SMAD3: variants seen among roughly 807,000 people sequenced by gnomAD.
SMAD3 encodes SMAD family member 3, also known as MAD homolog 3.
Under a neutral mutation model 51.8 loss-of-function variants are expected in SMAD3, and 12 were observed. The ratio of observed to expected loss-of-function variants is 0.23; its 90% CI spans 0.15 to 0.38. The LOEUF (loss-of-function observed/expected upper bound fraction) is 0.38, where lower values mean the gene tolerates loss of function less well. Ranked by LOEUF, SMAD3 falls within the 10% of genes least tolerant of loss-of-function variation. The pLI, the probability that SMAD3 is intolerant of heterozygous loss-of-function variation, is 1.00. For missense variants in SMAD3, 294 were observed against 565.6 expected (o/e 0.52, Z 4.87); for synonymous variants, 238 against 227.7 (o/e 1.05, Z -0.41).
chr15:67,074,028 A>G (rs1960114030), intron 1 of SMAD3, among the ~76,000 whole-genome samples: 1 of 152,206 alleles, frequency 6.6e-6, no homozygotes, highest in South Asian at 2.1e-4. Flanking sequence ...TCAGTGAATG[A>G]CAGATCTTTC....
At chr15:67,110,876 T>C (rs117216305) in intron 1 of SMAD3, among the ~76,000 whole-genome samples, 103 of 152,358 alleles carry the variant, frequency 6.8e-4, no homozygotes, top group Admixed American at 1.6e-3. Context: ...ATGTCCGTAA[T>C]GTTAACATCT....
At chr15:67,152,268 T>C (rs1962167385) in intron 1 of SMAD3, among the ~76,000 whole-genome samples, 1 of 152,258 alleles carries the variant, frequency 6.6e-6, no homozygotes, top group Admixed American at 6.5e-5. Context: ...CATGTTGTCG[T>C]AGAATGAAGG....
rs68095915 is a variant in SMAD3, at chr15:67,177,422, G to GTTTTTTTTTTTTTT, written c.659-3806_659-3805insTTTTTTTTTTTTTT. ...AATGAGGGCATATTTAGTGTTTTGG[G>GTTTTTTTTTTTTTT]TTTTTTTTTTTTTGGTGTGTGGCAG... On this transcript the variant is annotated intron_variant, in intron 5 of 8. Transcript: ENST00000327367. Among the ~76,000 whole-genome samples, 709 of 93,804 alleles carry GTTTTTTTTTTTTTT rather than the reference G, an allele frequency of 7.6e-3. 77 individuals are homozygous for GTTTTTTTTTTTTTT. The highest frequency in any genetic ancestry group is 0.016 in the African/African-American group (403 of 25,418). 61.5% of individuals were successfully genotyped at this position (93,804 alleles called of 152,430 possible). A position where few individuals can be genotyped will look rare whatever the true frequency, so the allele number is the denominator to read the frequency against.
Position 67,066,151 on chromosome 15 carries a change from A to G in SMAD3, c.-4A>G. On this transcript the variant is annotated 5_prime_UTR_variant, in exon 1 of 9. Coordinates refer to ENST00000327367, the MANE Select transcript of SMAD3 (RefSeq NM_005902.4). ...TCCTCGCCGCCCGCGCGCCCTCCCC[A>G]GCCATGTCGTCCATCCTGCCTTTCA... The G allele has an allele frequency of 6.3e-7, 1 of 1,587,352 alleles. No individual in the cohort carries two copies. Among genetic ancestry groups the G allele is most frequent in the East Asian group, 2.3e-5 (1 of 43,528 alleles).
At chr15:67,084,762 T>C (rs1960353179) in intron 1 of SMAD3, among the ~76,000 whole-genome samples, 1 of 152,230 alleles carries the variant, frequency 6.6e-6, no homozygotes, top group Admixed American at 6.5e-5. Context: ...AAATTTAGCC[T>C]GAAGCACAGG....
chr15:67,066,026 G>A lies in SMAD3; in HGVS notation c.-129G>A, dbSNP rs991463063. The A allele has an allele frequency of 2.9e-5, 12 of 417,422 alleles. No individual in the cohort carries two copies. Among genetic ancestry groups the A allele is most frequent in the Non-Finnish European group, 4.2e-5 (11 of 260,008 alleles). 25.9% of individuals were successfully genotyped at this position (417,422 alleles called of 1,614,324 possible). A position where few individuals can be genotyped will look rare whatever the true frequency, so the allele number is the denominator to read the frequency against. ...CCCGGCCCGGCGCCCCGGCAACTTC[G>A]CCGAGAGTTGAGGCGAAGTTTGGGC... is the stretch of plus-strand genomic sequence containing the variant. On this transcript the variant is annotated 5_prime_UTR_variant, in exon 1 of 9. Coordinates refer to ENST00000327367, the MANE Select transcript of SMAD3 (RefSeq NM_005902.4).
chr15:67,162,516 T>A (rs970978108), intron 1 of SMAD3, among the ~76,000 whole-genome samples: 4 of 152,148 alleles, frequency 2.6e-5, no homozygotes, highest in African/African-American at 9.7e-5. Context: ...CTTTCACACG[T>A]ATGCACAGCC....
intron 1 of SMAD3, among the ~76,000 whole-genome samples, chr15:67,127,395 G>T (rs1247026792): frequency 6.6e-6 from 1 of 152,160 alleles, no homozygotes; most frequent in African/African-American, 2.4e-5. Flanking sequence ...TCTGAGTCCT[G>T]TTCCTCCTCA....
At chr15:67,094,805 C>T (rs183536422) in intron 1 of SMAD3, among the ~76,000 whole-genome samples, 12 of 92,186 alleles carry the variant, frequency 1.3e-4, no homozygotes, top group African/African-American at 5.0e-4. Context: ...TGTTCCAGAG[C>T]GTTTGGAGTC....
At chr15:67,132,537 T>C (rs1231990187) in intron 1 of SMAD3, among the ~76,000 whole-genome samples, 3 of 152,136 alleles carry the variant, frequency 2.0e-5, no homozygotes, top group Non-Finnish European at 4.4e-5. Flanking sequence ...ACTCCAAGGC[T>C]GTAGAATGGG....
At chr15:67,083,381 G>A (rs1375732925) in intron 1 of SMAD3, among the ~76,000 whole-genome samples, 2 of 152,226 alleles carry the variant, frequency 1.3e-5, no homozygotes, top group Admixed American at 6.5e-5. Flanking sequence ...TGGGCTGCAC[G>A]GTTGCCTTAC....
At chr15:67,130,900 G>A (rs1158008094) in intron 1 of SMAD3, among the ~76,000 whole-genome samples, 2 of 151,894 alleles carry the variant, frequency 1.3e-5, no homozygotes, top group Non-Finnish European at 2.9e-5. Context: ...GGTATGAGGT[G>A]GGGGTGAGGA....
At chr15:67,139,615 G>C (rs1020119730) in intron 1 of SMAD3, among the ~76,000 whole-genome samples, 1 of 152,138 alleles carries the variant, frequency 6.6e-6, no homozygotes, top group African/African-American at 2.4e-5. Flanking sequence ...TGCATCACCT[G>C]CTTTTCTTCC....
chr15:67,167,916 A>T (rs1458475461), intron 4 of SMAD3, among the ~76,000 whole-genome samples: 1 of 152,170 alleles, frequency 6.6e-6, no homozygotes, highest in African/African-American at 2.4e-5. Flanking sequence ...CAGCAGAGCC[A>T]CCTGCCCTCG....
chr15:67,187,231 C>A, intron 7 of SMAD3, 134 bp from the exon 8 acceptor site: 1 of 1,032,458 alleles, frequency 9.7e-7, no homozygotes, highest in Non-Finnish European at 1.5e-6. Flanking sequence ...GTGGCAAATG[C>A]ATCACACACC....
At chr15:67,077,278 G>A (rs995274526) in intron 1 of SMAD3, among the ~76,000 whole-genome samples, 3 of 152,048 alleles carry the variant, frequency 2.0e-5, no homozygotes, top group Admixed American at 6.6e-5. Flanking sequence ...TGTAGCATCC[G>A]CTCAGTTGCG....
At chr15:67,183,345 A>AT in intron 6 of SMAD3, among the ~76,000 whole-genome samples, 1 of 151,832 alleles carries the variant, frequency 6.6e-6, no homozygotes, top group Middle Eastern at 3.4e-3. Flanking sequence ...TGCCCGGCCT[A>AT]TTTTTTTAAG....
chr15:67,114,683 A>C (rs1961097723), intron 1 of SMAD3, among the ~76,000 whole-genome samples: 1 of 152,048 alleles, frequency 6.6e-6, no homozygotes, highest in African/African-American at 2.4e-5. Context: ...GAGAATCTTG[A>C]CTTTGACTTC....
At chr15:67,166,102 T>C in intron 3 of SMAD3, 1 of 903,066 alleles carries the variant, frequency 1.1e-6, no homozygotes, top group Non-Finnish European at 1.3e-6. Flanking sequence ...TGAGATTGGC[T>C]ACAGGCCTGT....
Sources: gnomAD v4.1 joint callset for allele counts (sites outside exome capture counted in the v4.1 genomes callset) on GRCh38, gnomAD v4.1.1 for gene constraint, MANE v1.5 for transcripts, NCBI Gene and HGNC (gene_info 2026-07-23, HGNC 2026-07-21) for gene names.